The following DENND5B variants were observed in gnomAD, a reference collection of about 807,000 sequenced individuals.
The protein encoded by DENND5B is DENN domain-containing protein 5B.
Under a neutral mutation model 140.6 loss-of-function variants are expected in DENND5B, and 34 were observed. The observed-to-expected ratio is 0.24, with a 90% CI of 0.18 to 0.32. DENND5B has a LOEUF of 0.32. Among genes scored for constraint, DENND5B ranks in the 10% least tolerant of loss-of-function variants. The probability of loss-of-function intolerance (pLI) is 1.00; values close to 1 mark genes in which losing one functional copy is unlikely to be tolerated. For missense variants in DENND5B, 1,142 were observed against 1,560.2 expected, an observed-to-expected ratio of 0.73 and a Z score of 4.52; for synonymous variants, 551 against 562.1, an observed-to-expected ratio of 0.98 and a Z score of 0.28.
At chr12:31,532,596 G>A (rs1948326037) in intron 1 of DENND5B, among the ~76,000 whole-genome samples, 3 of 152,244 alleles carry the variant, frequency 2.0e-5, no homozygotes, top group African/African-American at 7.2e-5. Context: ...GAAATAGGGA[G>A]GTGGGAGAAT....
At chr12:31,400,822 C>T (rs1266514180) in intron 15 of DENND5B, among the ~76,000 whole-genome samples, 2 of 150,216 alleles carry the variant, frequency 1.3e-5, no homozygotes, top group African/African-American at 4.9e-5. Context: ...TTTTTTGTAC[C>T]CATTAGAGCT....
chr12:31,501,107 A>C (rs2138823615), intron 1 of DENND5B, among the ~76,000 whole-genome samples: 1 of 152,302 alleles, frequency 6.6e-6, no homozygotes, highest in East Asian at 1.9e-4. Context: ...CTATGTCCTC[A>C]CCCAAATCTC....
At chr12:31,448,782 C>T (rs374917714) in intron 5 of DENND5B, among the ~76,000 whole-genome samples, 25 of 152,024 alleles carry the variant, frequency 1.6e-4, no homozygotes, top group Admixed American at 1.3e-3. Flanking sequence ...AGGCTGAAGC[C>T]GGAGGATCCT....
chr12:31,498,985 AAAAAAG>A (rs58382633), intron 1 of DENND5B, among the ~76,000 whole-genome samples: 8 of 146,664 alleles, frequency 5.5e-5, no homozygotes, highest in African/African-American at 1.4e-4. Flanking sequence ...AAAAAAAAAA[AAAAAAG>A]AGAATTTAGA....
intron 1 of DENND5B, among the ~76,000 whole-genome samples, chr12:31,505,736 G>A (rs1015202421): frequency 5.3e-5 from 8 of 152,120 alleles, no homozygotes; most frequent in African/African-American, 1.9e-4. Flanking sequence ...AAGAATCTTG[G>A]AGGGGTCTCT....
chr12:31,478,377 C>T (rs1451669720), intron 3 of DENND5B, among the ~76,000 whole-genome samples: 1 of 152,146 alleles, frequency 6.6e-6, no homozygotes, highest in Non-Finnish European at 1.5e-5. Context: ...CGGGATTGCA[C>T]TACAATTCTG....
At chr12:31,525,667 C>T (rs1255591669) in intron 1 of DENND5B, among the ~76,000 whole-genome samples, 2 of 152,020 alleles carry the variant, frequency 1.3e-5, no homozygotes, top group African/African-American at 2.4e-5. Context: ...GATATGTATA[C>T]GTTAATAATA....
chr12:31,498,591 A>G (rs1946874665), intron 1 of DENND5B, among the ~76,000 whole-genome samples: 1 of 152,228 alleles, frequency 6.6e-6, no homozygotes, highest in African/African-American at 2.4e-5. Flanking sequence ...GATCATTGCT[A>G]TATATACACA....
At chr12:31,539,858 G>A (rs1309140075) in intron 1 of DENND5B, among the ~76,000 whole-genome samples, 1 of 151,910 alleles carries the variant, frequency 6.6e-6, no homozygotes, top group Non-Finnish European at 1.5e-5. Flanking sequence ...ATTCAACACG[G>A]TACTAGAAGT....
intron 1 of DENND5B, among the ~76,000 whole-genome samples, chr12:31,551,068 T>C (rs561175115): frequency 2.0e-5 from 3 of 152,304 alleles, no homozygotes; most frequent in South Asian, 4.1e-4. Context: ...TTAGTTTCAT[T>C]AGATCCCATT....
At chr12:31,580,476 T>C (rs1950178753) in intron 1 of DENND5B, among the ~76,000 whole-genome samples, 1 of 152,114 alleles carries the variant, frequency 6.6e-6, no homozygotes, top group South Asian at 2.1e-4. Context: ...GCTTCCATTT[T>C]ACTGTTTTTA....
chr12:31,518,027 G>T (rs1947732311), intron 1 of DENND5B, among the ~76,000 whole-genome samples: 1 of 152,182 alleles, frequency 6.6e-6, no homozygotes, highest in Non-Finnish European at 1.5e-5. Flanking sequence ...GTTCCCAAAG[G>T]TAGATCTGCG....
At chr12:31,429,160 C>T (rs1055057485) in intron 8 of DENND5B, among the ~76,000 whole-genome samples, 8 of 151,724 alleles carry the variant, frequency 5.3e-5, no homozygotes, top group African/African-American at 1.9e-4. Flanking sequence ...GCGTGAGCCA[C>T]CACGCCCGGC....
At chr12:31,441,791 GTGATTCTC>G (rs1229350524) in intron 7 of DENND5B, among the ~76,000 whole-genome samples, 1 of 152,192 alleles carries the variant, frequency 6.6e-6, no homozygotes, top group Admixed American at 6.5e-5. Context: ...TGGGGCTCAA[GTGATTCTC>G]CCACTTGAGT....
chr12:31,420,172 G>T, intron 11 of DENND5B: 2 of 641,250 alleles, frequency 3.1e-6, no homozygotes, highest in Non-Finnish European at 3.9e-6. Flanking sequence ...TGTCACCCAA[G>T]CTAGAGTGCA....
chr12:31,433,149 ACATACCTCCCT>A lies in DENND5B; in HGVS notation c.2101_2106+5del. 1 of 1,613,512 alleles carries A rather than the reference ACATACCTCCCT, an allele frequency of 6.2e-7. No individual in the cohort carries two copies. The highest frequency in any genetic ancestry group is 8.5e-7 in the Non-Finnish European group (1 of 1,179,436). On this transcript the variant is annotated splice_donor_variant and splice_donor_5th_base_variant and coding_sequence_variant and intron_variant, in exon 8 of 21. Transcript: ENST00000389082. LOFTEE classifies it high-confidence loss of function. ...GTGAGGCACCCCAGGAAGGTAGACC[ACATACCTCCCT>A]CAAGTCGTTGTCCAGCCCAACATGC...
At chr12:31,514,727 G>T (rs1826677620) in intron 1 of DENND5B, among the ~76,000 whole-genome samples, 1 of 151,964 alleles carries the variant, frequency 6.6e-6, no homozygotes, top group Admixed American at 6.6e-5. Context: ...TAGGGCAGGA[G>T]AATCACTTGA....
chr12:31,443,025 T>C, intron 6 of DENND5B, 100 bp from the exon 7 acceptor site: 1 of 1,092,608 alleles, frequency 9.2e-7, no homozygotes, highest in Non-Finnish European at 1.3e-6. Flanking sequence ...CCAATCACTC[T>C]GACACTCTGA....
Position 31,449,731 on chromosome 12 carries a change from G to GTTTTTT in DENND5B, c.1630-1968_1630-1963dup, listed in dbSNP as rs771712867. ...ATAAACCATGGATATACACAGATTA[G>GTTTTTT]TTTTTTTTTTTTTTTTTTGAGACAG... is the stretch of plus-strand genomic sequence containing the variant. On this transcript the variant is annotated intron_variant, in intron 5 of 20. Coordinates refer to ENST00000389082, the MANE Select transcript of DENND5B (RefSeq NM_144973.4). Among the ~76,000 whole-genome samples, 112 of 89,942 alleles carry GTTTTTT rather than the reference G, an allele frequency of 1.2e-3. 17 individuals are homozygous for GTTTTTT. The highest frequency in any genetic ancestry group is 3.6e-3 in the East Asian group (9 of 2,528). The allele number at this position is 89,942 out of a possible 152,430, so 59.0% of individuals were successfully genotyped here. A position where few individuals can be genotyped will look rare whatever the true frequency, so the allele number is the denominator to read the frequency against.
Sources: gnomAD v4.1 joint callset for allele counts (sites outside exome capture counted in the v4.1 genomes callset) on GRCh38, gnomAD v4.1.1 for gene constraint, MANE v1.5 for transcripts, NCBI Gene and HGNC (gene_info 2026-07-23, HGNC 2026-07-21) for gene names.